DGKI: variants seen among roughly 807,000 people sequenced by gnomAD.
DGKI encodes the protein DAG kinase iota.
Under a neutral mutation model 147.5 loss-of-function variants are expected in DGKI, and 55 were observed. The observed-to-expected ratio is 0.37, with a 90% CI of 0.30 to 0.47. The LOEUF is 0.47. Among genes scored for constraint, DGKI ranks in the 20% least tolerant of loss-of-function variants. The pLI, the probability that DGKI is intolerant of heterozygous loss-of-function variation, is 1.00. For synonymous variants in DGKI, 469 were observed against 477.1 expected (o/e 0.98, Z 0.22); for missense variants, 1,007 against 1,323.8 (o/e 0.76, Z 3.71).
chr7:137,572,173 A>G (rs1818815900), intron 18 of DGKI, among the ~76,000 whole-genome samples: 1 of 152,224 alleles, frequency 6.6e-6, no homozygotes, highest in African/African-American at 2.4e-5. Flanking sequence ...CATCCCTTCC[A>G]AAATCTTGGC....
rs543260982 is a variant in DGKI at position 137,620,127 on chromosome 7, C to A, written c.877-187G>T. On this transcript the variant is annotated intron_variant, in intron 7 of 32. Coordinates refer to ENST00000614521, the MANE Select transcript of DGKI (RefSeq NM_001321708.2). ...GCACACACTGAGGACTGAGGACATGCTTTCCTCATCACCACCCAGCCAGCC... is the reference window on the plus strand; with the variant it reads ...GCACACACTGAGGACTGAGGACATGATTTCCTCATCACCACCCAGCCAGCC... Among the ~76,000 whole-genome samples, 132 of 152,126 alleles carry A rather than the reference C, an allele frequency of 8.7e-4. 6 individuals are homozygous for A. Among genetic ancestry groups the A allele is most frequent in the South Asian group, 6.2e-3 (30 of 4,812 alleles).
intron 20 of DGKI, among the ~76,000 whole-genome samples, chr7:137,528,728 C>T (rs891463669): frequency 6.6e-6 from 1 of 152,186 alleles, no homozygotes; most frequent in Admixed American, 6.5e-5. Flanking sequence ...TTCTATACGC[C>T]CCTATGACTG....
At chr7:137,457,514 C>T (rs1814250833) in intron 27 of DGKI, among the ~76,000 whole-genome samples, 1 of 152,164 alleles carries the variant, frequency 6.6e-6, no homozygotes, top group Non-Finnish European at 1.5e-5. Context: ...TGTTGTTTCT[C>T]CCATAATCAG....
chr7:137,579,500 AT>A (rs915139256), intron 15 of DGKI, among the ~76,000 whole-genome samples: 2 of 152,034 alleles, frequency 1.3e-5, no homozygotes, highest in Admixed American at 6.6e-5. Context: ...TAGACAAATA[AT>A]TTTTTAATTT....
chr7:137,554,102 C>A (rs1163620544), intron 19 of DGKI, among the ~76,000 whole-genome samples: 1 of 152,198 alleles, frequency 6.6e-6, no homozygotes, highest in African/African-American at 2.4e-5. Flanking sequence ...GCCGCCCCTA[C>A]CGGCATTTCA....
At chr7:137,430,993 A>G (rs1329913785) in intron 28 of DGKI, among the ~76,000 whole-genome samples, 1 of 152,144 alleles carries the variant, frequency 6.6e-6, no homozygotes, top group African/African-American at 2.4e-5. Flanking sequence ...CATTCAGACT[A>G]TATCCTCACA....
chr7:137,600,256 T>G (rs566476295), intron 10 of DGKI, among the ~76,000 whole-genome samples: 1 of 152,010 alleles, frequency 6.6e-6, no homozygotes. Flanking sequence ...TCTCAAAAAA[T>G]AATAAGTGAG....
intron 28 of DGKI, 74 bp from the exon 29 acceptor site, chr7:137,412,281 A>G (rs1431236817): frequency 1.4e-6 from 2 of 1,410,454 alleles, no homozygotes; most frequent in Non-Finnish European, 1.0e-6. Context: ...AGTTGGATCC[A>G]TATTTTGGAT....
intron 20 of DGKI, among the ~76,000 whole-genome samples, chr7:137,528,824 C>T (rs1355300841): frequency 1.3e-5 from 2 of 152,136 alleles, no homozygotes; most frequent in East Asian, 3.8e-4. Context: ...TTTGTTCAGG[C>T]TACCTTAATC....
intron 1 of DGKI, among the ~76,000 whole-genome samples, chr7:137,842,641 C>A (rs773728388): frequency 6.6e-6 from 1 of 152,154 alleles, no homozygotes; most frequent in Non-Finnish European, 1.5e-5. Flanking sequence ...GCCTACACAA[C>A]CCTGTGTAAA....
At chr7:137,532,201 G>C (rs1355450542) in intron 20 of DGKI, among the ~76,000 whole-genome samples, 1 of 152,112 alleles carries the variant, frequency 6.6e-6, no homozygotes, top group East Asian at 1.9e-4. Context: ...TGAGCTACAG[G>C]ACGCATTACT....
intron 3 of DGKI, among the ~76,000 whole-genome samples, chr7:137,665,637 G>C (rs80239009): frequency 0.035 from 5,291 of 152,258 alleles, 285 homozygotes; most frequent in African/African-American, 0.11. Context: ...CCTCAGATGT[G>C]CAGGTAGATT....
intron 27 of DGKI, among the ~76,000 whole-genome samples, chr7:137,455,996 G>A (rs1585131476): frequency 6.6e-6 from 1 of 152,146 alleles, no homozygotes; most frequent in Admixed American, 6.5e-5. Flanking sequence ...CAGACACACT[G>A]AGAAAACAAG....
In DGKI at chr7:137,695,890, T is replaced by C. The variant is rs144364264; in HGVS notation, c.402-5888A>G. 2.8e-4 allele frequency among the ~76,000 whole-genome samples: 42 copies of C among 152,316 alleles called. No individual in the cohort carries two copies. The East Asian group carries it at 8.1e-3, about 29-fold the overall frequency. On this transcript the variant is annotated intron_variant, in intron 1 of 32. Transcript: ENST00000614521. ...ACCTTACCAATTAATGGTTATGTAG[T>C]CAGATAGCTTGATGTCTTTTAGCCT...
intron 20 of DGKI, among the ~76,000 whole-genome samples, chr7:137,547,762 T>C (rs1282793543): frequency 1.3e-5 from 2 of 152,126 alleles, no homozygotes; most frequent in African/African-American, 2.4e-5. Flanking sequence ...TTTTAGTAAG[T>C]GGTGTAATGG....
At chr7:137,495,009 A>T (rs1815909445) in intron 21 of DGKI, among the ~76,000 whole-genome samples, 1 of 152,122 alleles carries the variant, frequency 6.6e-6, no homozygotes, top group Non-Finnish European at 1.5e-5. Flanking sequence ...ATAATTTCAG[A>T]CAAAATAGAC....
intron 1 of DGKI, among the ~76,000 whole-genome samples, chr7:137,836,151 T>C (rs1021927790): frequency 1.3e-5 from 2 of 152,224 alleles, no homozygotes; most frequent in African/African-American, 4.8e-5. Context: ...AAAAATCCCT[T>C]AGACTTTGTT....
At chr7:137,749,118 T>A (rs1221348689) in intron 1 of DGKI, among the ~76,000 whole-genome samples, 1 of 152,206 alleles carries the variant, frequency 6.6e-6, no homozygotes, top group Non-Finnish European at 1.5e-5. Flanking sequence ...TTAAATTACT[T>A]TTTCCTTCAA....
intron 20 of DGKI, among the ~76,000 whole-genome samples, chr7:137,550,984 C>T (rs367644919): frequency 6.6e-6 from 1 of 152,098 alleles, no homozygotes; most frequent in South Asian, 2.1e-4. Context: ...AACATATAAC[C>T]TCAGCAATTG....
Sources: gnomAD v4.1 joint callset for allele counts (sites outside exome capture counted in the v4.1 genomes callset) on GRCh38, gnomAD v4.1.1 for gene constraint, MANE v1.5 for transcripts, NCBI Gene and HGNC (gene_info 2026-07-23, HGNC 2026-07-21) for gene names.